Variants in GRIA4 observed in about 807,000 individuals in gnomAD.
GRIA4 encodes the protein glutamate ionotropic receptor AMPA type subunit 4.
In GRIA4, 34 loss-of-function variants were observed where a neutral mutation model predicts 104.0. That is an observed-to-expected ratio of 0.33 (90% CI 0.25 to 0.44). The LOEUF is 0.44. Among genes scored for constraint, GRIA4 ranks in the 20% least tolerant of loss-of-function variants. GRIA4 has a pLI of 1.00. For missense variants in GRIA4, 750 were observed against 1,096.5 expected, an observed-to-expected ratio of 0.68 and a Z score of 4.46; for synonymous variants, 386 against 381.9, an observed-to-expected ratio of 1.01 and a Z score of -0.13.
chr11:105,699,190 A>G (rs571355036), intron 3 of GRIA4, among the ~76,000 whole-genome samples: 1 of 152,254 alleles, frequency 6.6e-6, no homozygotes, highest in Non-Finnish European at 1.5e-5. Context: ...ATATTTATTG[A>G]GGATCAACCA....
At chr11:105,674,087 A>G (rs977393895) in intron 3 of GRIA4, among the ~76,000 whole-genome samples, 6 of 152,070 alleles carry the variant, frequency 3.9e-5, no homozygotes, top group African/African-American at 1.4e-4. Flanking sequence ...TGCAACATTT[A>G]TAAAGCATGG....
At chr11:105,632,886 A>G (rs1951071797) in intron 3 of GRIA4, among the ~76,000 whole-genome samples, 1 of 152,238 alleles carries the variant, frequency 6.6e-6, no homozygotes, top group Non-Finnish European at 1.5e-5. Context: ...AATAATTTGT[A>G]TCATTCCCTG....
intron 14 of GRIA4, among the ~76,000 whole-genome samples, chr11:105,934,557 TCCTG>T (rs1421224682): frequency 6.6e-6 from 1 of 152,160 alleles, no homozygotes; most frequent in Non-Finnish European, 1.5e-5. Context: ...CAAGTCACAC[TCCTG>T]CCTATTTTAA....
intron 4 of GRIA4, among the ~76,000 whole-genome samples, chr11:105,835,549 T>C (rs989414123): frequency 1.5e-4 from 23 of 151,952 alleles, no homozygotes; most frequent in African/African-American, 5.6e-4. Context: ...ATGGATTTTG[T>C]GTGTGTGTGT....
At chr11:105,750,043 TTA>T (rs1337362159) in intron 3 of GRIA4, among the ~76,000 whole-genome samples, 84 of 152,310 alleles carry the variant, frequency 5.5e-4, no homozygotes, top group African/African-American at 1.8e-3. Context: ...TTGTTTGAAT[TTA>T]TATAATCTAA....
In GRIA4 at chr11:105,715,327, C is replaced by T. The variant is rs116077722; in HGVS notation, c.248-37654C>T. Among the ~76,000 whole-genome samples the T allele has an allele frequency of 5.0e-3, 765 of 152,222 alleles. 16 individuals carry two copies. The highest frequency in any genetic ancestry group is 0.017 in the African/African-American group (714 of 41,552). On this transcript the variant is annotated intron_variant, in intron 3 of 16. Transcript: ENST00000282499. ...CCTATATTAAGTCTTATGTTTGAAACATCTTTTAGAATTTAGTACTAGAGA... is the reference window on the plus strand; with the variant it reads ...CCTATATTAAGTCTTATGTTTGAAATATCTTTTAGAATTTAGTACTAGAGA...
intron 4 of GRIA4, among the ~76,000 whole-genome samples, chr11:105,817,586 T>A (rs1437454139): frequency 2.0e-5 from 3 of 152,094 alleles, no homozygotes; most frequent in Admixed American, 2.0e-4. Context: ...CACTTTAAAT[T>A]TTCATTAAAT....
At chr11:105,679,743 A>C in intron 3 of GRIA4, among the ~76,000 whole-genome samples, 1 of 152,202 alleles carries the variant, frequency 6.6e-6, no homozygotes, top group East Asian at 1.9e-4. Flanking sequence ...AAAATAAGGA[A>C]GAACTGCTCA....
Position 105,817,186 on chromosome 11 carries a change from GT to G in GRIA4, c.488-44836del, listed in dbSNP as rs561971975. On this transcript the variant is annotated intron_variant, in intron 4 of 16. Coordinates refer to ENST00000282499, the MANE Select transcript of GRIA4 (RefSeq NM_000829.4). ...GGGAAATATTGATAGTATCTATCTT[GT>G]TAGTGTGCCATGGAGATTAAATGAA... is the stretch of plus-strand genomic sequence containing the variant. Among the ~76,000 whole-genome samples the G allele has an allele frequency of 2.6e-4, 39 of 151,980 alleles. No individual in the cohort carries two copies. The South Asian group carries it at 4.8e-3, about 19-fold the overall frequency.
intron 4 of GRIA4, among the ~76,000 whole-genome samples, chr11:105,759,789 T>C (rs1187016530): frequency 6.6e-6 from 1 of 152,172 alleles, no homozygotes; most frequent in African/African-American, 2.4e-5. Context: ...CACACATTGA[T>C]CTTCAAGTGA....
At chr11:105,708,875 T>C (rs1188097006) in intron 3 of GRIA4, among the ~76,000 whole-genome samples, 1 of 151,906 alleles carries the variant, frequency 6.6e-6, no homozygotes, top group Non-Finnish European at 1.5e-5. Flanking sequence ...AATATAGAGA[T>C]TGAATTTTAG....
At chr11:105,764,251 C>T (rs1940827525) in intron 4 of GRIA4, among the ~76,000 whole-genome samples, 1 of 152,156 alleles carries the variant, frequency 6.6e-6, no homozygotes, top group Admixed American at 6.6e-5. Context: ...ATCCTCCTGC[C>T]TCAGCCTCCC....
chr11:105,903,479 C>T (rs1328201538), intron 7 of GRIA4, among the ~76,000 whole-genome samples: 1 of 152,202 alleles, frequency 6.6e-6, no homozygotes, highest in Non-Finnish European at 1.5e-5. Context: ...CTGCATTAGC[C>T]TTTGATACAT....
In GRIA4 at chr11:105,824,994, A is replaced by G. The variant is rs72987109; in HGVS notation, c.488-37030A>G. 9.1e-3 allele frequency among the ~76,000 whole-genome samples: 1,386 copies of G among 152,148 alleles called. 7 individuals are homozygous for G. Among genetic ancestry groups the G allele is most frequent in the Admixed American group, 0.014 (221 of 15,256 alleles). On this transcript the variant is annotated intron_variant, in intron 4 of 16. Coordinates refer to ENST00000282499, the MANE Select transcript of GRIA4 (RefSeq NM_000829.4). Reference sequence around the variant, plus strand: ...AATGGTCTTTTCTCCATTGTTAGTCACTGAGGTCAGTGAACGACTCAGACA... The same window carrying G: ...AATGGTCTTTTCTCCATTGTTAGTCGCTGAGGTCAGTGAACGACTCAGACA...
chr11:105,934,426 T>C (rs941956969), intron 14 of GRIA4, among the ~76,000 whole-genome samples: 1 of 152,188 alleles, frequency 6.6e-6, no homozygotes, highest in African/African-American at 2.4e-5. Flanking sequence ...TTATTTATTA[T>C]GGCATCTTTC....
intron 4 of GRIA4, among the ~76,000 whole-genome samples, chr11:105,825,358 T>A (rs1461510024): frequency 2.0e-5 from 3 of 152,066 alleles, no homozygotes; most frequent in Non-Finnish European, 4.4e-5. Flanking sequence ...TTATGGGAAC[T>A]GCTAAGCCAG....
chr11:105,718,512 T>C (rs760437990), intron 3 of GRIA4, among the ~76,000 whole-genome samples: 12 of 152,012 alleles, frequency 7.9e-5, no homozygotes, highest in Non-Finnish European at 1.6e-4. Flanking sequence ...TTGAGGGAGG[T>C]GGAGAAGCAT....
intron 3 of GRIA4, among the ~76,000 whole-genome samples, chr11:105,739,975 A>C (rs1939206701): frequency 6.6e-6 from 1 of 152,206 alleles, no homozygotes. Context: ...GCAAGACCTG[A>C]AATTAATTGT....
chr11:105,923,046 G>A (rs1316034564), intron 11 of GRIA4, among the ~76,000 whole-genome samples: 1 of 151,968 alleles, frequency 6.6e-6, no homozygotes, highest in African/African-American at 2.4e-5. Flanking sequence ...TGACTAAAAC[G>A]TGCCTTCCCC....
Sources: allele counts gnomAD v4.1 joint callset (sites outside exome capture counted in the v4.1 genomes callset), GRCh38; gene constraint gnomAD v4.1.1; transcripts MANE v1.5; gene names NCBI Gene and HGNC (gene_info 2026-07-23, HGNC 2026-07-21).